CSE1L: variants seen among roughly 807,000 people sequenced by gnomAD.
CSE1L encodes chromosome segregation 1 like.
In CSE1L, 24 loss-of-function variants were observed where a neutral mutation model predicts 120.4. That is an observed-to-expected ratio of 0.20 (90% CI 0.14 to 0.28). The LOEUF (loss-of-function observed/expected upper bound fraction) is 0.28. Among genes scored for constraint, CSE1L ranks in the 10% least tolerant of loss-of-function variants. The pLI, the probability that CSE1L is intolerant of heterozygous loss-of-function variation, is 1.00. For synonymous variants in CSE1L, 402 were observed against 398.3 expected, an observed-to-expected ratio of 1.01 and a Z score of -0.11; for missense variants, 830 against 1,145.2, an observed-to-expected ratio of 0.72 and a Z score of 3.97.
Position 49,088,067 on chromosome 20 carries a change from C to T in CSE1L, c.1782C>T (p.Leu594=). 2 of 1,612,784 alleles carry T rather than the reference C, an allele frequency of 1.2e-6. No individual in the cohort carries two copies. The highest frequency in any genetic ancestry group is 1.7e-6 in the Non-Finnish European group (2 of 1,179,330). ...CCATAATCCCCTACATCCCTACTCTCATCACTCAGCTTACACAGAAGCTAT... is the reference window on the plus strand; with the variant it reads ...CCATAATCCCCTACATCCCTACTCTTATCACTCAGCTTACACAGAAGCTAT... ...QEAIIPYIPT[L]ITQLTQKLLA... The change falls in exon 17 of 25, where the codon CTC becomes CTT. Residue 594 remains leucine (L), a synonymous_variant. Coordinates refer to ENST00000262982, the MANE Select transcript of CSE1L (RefSeq NM_001316.4).
At chr20:49,079,930 TG>T (rs1469694720) in intron 14 of CSE1L, among the ~76,000 whole-genome samples, 1 of 152,056 alleles carries the variant, frequency 6.6e-6, no homozygotes, top group Non-Finnish European at 1.5e-5. Flanking sequence ...AAATACTAGC[TG>T]GGTGTGGTGG....
intron 3 of CSE1L, among the ~76,000 whole-genome samples, chr20:49,065,357 C>T (rs550158037): frequency 1.5e-5 from 1 of 67,300 alleles, no homozygotes; most frequent in East Asian, 5.3e-4. Flanking sequence ...GAGTCTTGCT[C>T]TGTTGCCCAG....
chr20:49,085,679 C>G (rs2092050969), intron 16 of CSE1L, among the ~76,000 whole-genome samples: 1 of 142,434 alleles, frequency 7.0e-6, no homozygotes, highest in Non-Finnish European at 1.5e-5. Context: ...TCAAGCGATT[C>G]TCCTGCCTCA....
At chr20:49,056,973 CTG>C (rs1453764503) in intron 1 of CSE1L, among the ~76,000 whole-genome samples, 1 of 151,794 alleles carries the variant, frequency 6.6e-6, no homozygotes, top group African/African-American at 2.4e-5. Context: ...ATCTCTTGAA[CTG>C]TGTATTTCTT....
chr20:49,071,763 C>T (rs541050135), intron 8 of CSE1L, among the ~76,000 whole-genome samples: 14 of 152,172 alleles, frequency 9.2e-5, no homozygotes, highest in Admixed American at 3.9e-4. Flanking sequence ...GAGGCCGAGG[C>T]CATCCTGGCT....
chr20:49,096,274 C>T (rs1600556555), intron 24 of CSE1L, 75 bp from the exon 25 acceptor site: 7 of 1,175,042 alleles, frequency 6.0e-6, no homozygotes, highest in African/African-American at 3.0e-5. Context: ...TGTGGCAGCT[C>T]TCCCGTAGAA....
Position 49,056,528 on chromosome 20 carries a change from C to T in CSE1L, c.-11-1925C>T, listed in dbSNP as rs941566906. ...GTGTCACCACAGTCCAATTTTAGAA[C>T]ACTCTGTCACCCCCAAAAAGTTCCC... On this transcript the variant is annotated intron_variant, in intron 1 of 24. Transcript: ENST00000262982. 3.9e-5 allele frequency among the ~76,000 whole-genome samples: 6 copies of T among 152,296 alleles called. No homozygotes were observed. In the East Asian group the frequency reaches 1.2e-3, roughly 29 times the overall value.
intron 14 of CSE1L, among the ~76,000 whole-genome samples, chr20:49,083,370 C>T (rs970395249): frequency 6.6e-6 from 1 of 152,182 alleles, no homozygotes; most frequent in Non-Finnish European, 1.5e-5. Flanking sequence ...GATCCAGCTA[C>T]CTCAGCCTCT....
At chr20:49,087,942 C>T (rs2092072750) in intron 16 of CSE1L, 67 bp from the exon 17 acceptor site, 1 of 1,065,066 alleles carries the variant, frequency 9.4e-7, no homozygotes. Flanking sequence ...TTTTTTCCCC[C>T]CAGTCGCTCT....
intron 3 of CSE1L, 40 bp from the exon 4 acceptor site, chr20:49,066,152 G>A: frequency 1.3e-6 from 2 of 1,519,648 alleles, no homozygotes; most frequent in Non-Finnish European, 1.8e-6. Context: ...ACATGAATGT[G>A]GATTTTGTGT....
chr20:49,082,397 G>A (rs1395246062), intron 14 of CSE1L, among the ~76,000 whole-genome samples: 1 of 152,054 alleles, frequency 6.6e-6, no homozygotes, highest in Non-Finnish European at 1.5e-5. Flanking sequence ...ACCCGCCTTG[G>A]CCTCCCAAAG....
Position 49,094,825 on chromosome 20 carries a change from A to G in CSE1L, c.2688A>G (p.Thr896=), listed in dbSNP as rs2092126969. 1 of 1,613,900 alleles carries G rather than the reference A, an allele frequency of 6.2e-7. No homozygotes were observed. Among genetic ancestry groups the G allele is most frequent in the Non-Finnish European group, 8.5e-7 (1 of 1,179,978 alleles). The part of the protein sequence containing the change: ...DEEHFIDIED[T]PGYQTAFSQL... The stretch of plus-strand genomic sequence containing the variant: ...AACATTTTATTGACATAGAAGATAC[A>G]CCAGGATATCAGACTGCCTTCTCAC... Residue 896 remains threonine, a synonymous_variant, in exon 24 of 25, where the codon ACA becomes ACG. Coordinates refer to ENST00000262982, the MANE Select transcript of CSE1L (RefSeq NM_001316.4).
Position 49,064,098 on chromosome 20 carries a change from G to A in CSE1L, c.228+754G>A, listed in dbSNP as rs2091872398. Among the ~76,000 whole-genome samples, 2 of 152,172 alleles carry A rather than the reference G, an allele frequency of 1.3e-5. 1 individual carries two copies. Among genetic ancestry groups the A allele is most frequent in the South Asian group, 4.1e-4 (2 of 4,828 alleles). On this transcript the variant is annotated intron_variant, in intron 3 of 24. Transcript: ENST00000262982. The stretch of plus-strand genomic sequence containing the variant: ...TGGAGGATTGCTACTGGAATCTAGT[G>A]GGTAGAGGCCAGAGATGCTGCTAAG...
At chr20:49,058,339 A>G in intron 1 of CSE1L, 114 bp from the exon 2 acceptor site, 1 of 628,998 alleles carries the variant, frequency 1.6e-6, no homozygotes, top group Non-Finnish European at 2.6e-6. Context: ...CATATAAAAA[A>G]CAACAGATGG....
intron 1 of CSE1L, among the ~76,000 whole-genome samples, chr20:49,057,727 G>A (rs1281487541): frequency 6.6e-6 from 1 of 152,096 alleles, no homozygotes. Flanking sequence ...TGCCTCCCGG[G>A]TTCAAGCGAT....
intron 1 of CSE1L, among the ~76,000 whole-genome samples, chr20:49,047,547 T>TTTTTC (rs1293949481): frequency 1.4e-5 from 2 of 144,656 alleles, no homozygotes; most frequent in African/African-American, 2.6e-5. Flanking sequence ...TTTCTTTTTC[T>TTTTTC]TTTTCTTTTC....
chr20:49,054,043 A>G (rs1222001690), intron 1 of CSE1L, among the ~76,000 whole-genome samples: 1 of 152,208 alleles, frequency 6.6e-6, no homozygotes, highest in African/African-American at 2.4e-5. Flanking sequence ...GCAGGATATA[A>G]TGTGTAGCAT....
rs564415623 is a variant in CSE1L, at chr20:49,074,672, A to T, written c.1067-113A>T. On this transcript the variant is annotated intron_variant, in intron 10 of 24. Transcript: ENST00000262982. The stretch of plus-strand genomic sequence containing the variant: ...GTATATGAAGTAGTCATCTGATGGG[A>T]ACGAATTCTTTGCTGTAGAACAAGG... 3 of 720,496 alleles carry T rather than the reference A, an allele frequency of 4.2e-6. No homozygotes were observed. The South Asian group carries it at 6.0e-5, about 14-fold the overall frequency. 44.6% of individuals were successfully genotyped at this position (720,496 alleles called of 1,614,324 possible).
intron 3 of CSE1L, among the ~76,000 whole-genome samples, chr20:49,065,312 A>ATTTTTTTTTTTTTTTTTTTTTTT (rs1568769017): frequency 7.6e-5 from 6 of 79,398 alleles, no homozygotes; most frequent in Admixed American, 2.9e-4. Context: ...ATGAAAAAAA[A>ATTTTTTTTTTTTTTTTTTTTTTT]ATTTTTTTTT....
Sources: gnomAD v4.1 joint callset for allele counts (sites outside exome capture counted in the v4.1 genomes callset) on GRCh38, gnomAD v4.1.1 for gene constraint, MANE v1.5 for transcripts, NCBI Gene and HGNC (gene_info 2026-07-23, HGNC 2026-07-21) for gene names.